The following ERBB4 variants were observed in gnomAD, a reference collection of about 807,000 sequenced individuals.
ERBB4 encodes receptor tyrosine-protein kinase erbB-4.
In ERBB4, 42 loss-of-function variants were observed where a neutral mutation model predicts 158.0. The observed-to-expected ratio is 0.27, with a 90% CI of 0.21 to 0.34. ERBB4 has a LOEUF of 0.34. ERBB4 is among the 10% of genes least tolerant of loss of function. The probability of loss-of-function intolerance (pLI) is 1.00; values close to 1 mark genes in which losing one functional copy is unlikely to be tolerated. For synonymous variants in ERBB4, 583 were observed against 558.7 expected (o/e 1.04, Z -0.61); for missense variants, 1,333 against 1,624.1 (o/e 0.82, Z 3.08).
intron 1 of ERBB4, among the ~76,000 whole-genome samples, chr2:212,421,376 A>C (rs773178520): frequency 6.6e-6 from 1 of 152,144 alleles, no homozygotes; most frequent in Non-Finnish European, 1.5e-5. Flanking sequence ...TTCAGACTAA[A>C]GGCTCTTCAT....
intron 20 of ERBB4, among the ~76,000 whole-genome samples, chr2:211,528,340 G>A (rs9636333): frequency 0.47 from 70,863 of 151,570 alleles, 16,835 homozygotes; most frequent in East Asian, 0.72. Flanking sequence ...CTCAACATTG[G>A]AGCATCCGGA....
intron 3 of ERBB4, among the ~76,000 whole-genome samples, chr2:211,812,749 C>T (rs1193795201): frequency 1.3e-5 from 2 of 152,214 alleles, no homozygotes; most frequent in Non-Finnish European, 2.9e-5. Flanking sequence ...TCAGCAATGG[C>T]AGATGCCTCT....
intron 2 of ERBB4, among the ~76,000 whole-genome samples, chr2:212,020,660 A>C (rs1030808093): frequency 6.6e-6 from 1 of 152,248 alleles, no homozygotes; most frequent in African/African-American, 2.4e-5. Context: ...TACACTAAGA[A>C]TAAAATACAT....
chr2:211,851,494 T>C (rs1299009123), intron 3 of ERBB4, among the ~76,000 whole-genome samples: 1 of 151,990 alleles, frequency 6.6e-6, no homozygotes, highest in Non-Finnish European at 1.5e-5. Flanking sequence ...AGTTTCCCTC[T>C]TCGCTAAACT....
intron 15 of ERBB4, among the ~76,000 whole-genome samples, chr2:211,664,328 TG>T (rs2071539767): frequency 3.0e-5 from 1 of 33,760 alleles, no homozygotes; most frequent in Non-Finnish European, 6.7e-5. Flanking sequence ...CAACTACAAA[TG>T]TGTGTGTGTG....
At position 211,908,313 on chromosome 2, in the gene ERBB4, T is replaced by C. The variant is rs184626443; in HGVS notation, c.421+39117A>G. Among the ~76,000 whole-genome samples the C allele has an allele frequency of 8.7e-4, 132 of 151,938 alleles. 1 individual carries two copies. Among genetic ancestry groups the C allele is most frequent in the Non-Finnish European group, 1.2e-3 (82 of 67,958 alleles). ...CTGACATTATCTTTCTAAAGTATTG[T>C]ATATTTGGACCACAACAGGGCACAG... On this transcript the variant is annotated intron_variant, in intron 3 of 27. Transcript: ENST00000342788.
intron 1 of ERBB4, among the ~76,000 whole-genome samples, chr2:212,339,199 T>C (rs542201348): frequency 1.3e-5 from 2 of 152,072 alleles, no homozygotes; most frequent in African/African-American, 4.8e-5. Context: ...GTGTGTGTTG[T>C]TCCCCTTCCT....
rs558474284 is a variant in ERBB4 at position 212,493,564 on chromosome 2, G to A, written c.82+44885C>T. Among the ~76,000 whole-genome samples, 545 of 151,544 alleles carry A rather than the reference G, an allele frequency of 3.6e-3. 1 individual carries two copies. Among genetic ancestry groups the A allele is most frequent in the Non-Finnish European group, 6.0e-3 (406 of 67,594 alleles). On this transcript the variant is annotated intron_variant, in intron 1 of 27. Coordinates refer to ENST00000342788, the MANE Select transcript of ERBB4 (RefSeq NM_005235.3). ...TCATATTTAGGATACAGATTACTTC[G>A]CAGACACATAGTTCAAATTTCATAA...
At chr2:212,037,866 C>T (rs1338027197) in intron 2 of ERBB4, among the ~76,000 whole-genome samples, 1 of 152,074 alleles carries the variant, frequency 6.6e-6, no homozygotes, top group Non-Finnish European at 1.5e-5. Context: ...TAGATGGACA[C>T]CGGGGAATGA....
Position 211,376,169 on chromosome 2 carries a change from G to T in ERBB4, c.*7446C>A. On this transcript the variant is annotated 3_prime_UTR_variant, in exon 28 of 28. Transcript: ENST00000342788. ...CCACACACAATTGGCATATCCTATT[G>T]TGTAAGCGAGTGCAGAGGTTGAACA... The T allele has an allele frequency of 4.3e-6, 1 of 233,128 alleles. No individual in the cohort carries two copies. The highest frequency in any genetic ancestry group is 6.1e-5 in the East Asian group (1 of 16,504). 14.4% of individuals were successfully genotyped at this position (233,128 alleles called of 1,614,324 possible). A position where few individuals can be genotyped will look rare whatever the true frequency, so the allele number is the denominator to read the frequency against.
intron 17 of ERBB4, among the ~76,000 whole-genome samples, chr2:211,628,432 T>C (rs2069951535): frequency 6.6e-6 from 1 of 152,188 alleles, no homozygotes; most frequent in South Asian, 2.1e-4. Flanking sequence ...GGTTTTATTG[T>C]CCTTGCGATA....
chr2:212,126,290 T>C (rs1345495935), intron 1 of ERBB4, among the ~76,000 whole-genome samples: 2 of 151,810 alleles, frequency 1.3e-5, no homozygotes, highest in East Asian at 1.9e-4. Context: ...AGAAACCCTG[T>C]CTCTACCAAA....
intron 3 of ERBB4, among the ~76,000 whole-genome samples, chr2:211,945,176 T>C (rs1320372115): frequency 6.6e-6 from 1 of 152,134 alleles, no homozygotes; most frequent in Admixed American, 6.6e-5. Flanking sequence ...GATTTTGCCA[T>C]AGAGAAAATT....
intron 1 of ERBB4, among the ~76,000 whole-genome samples, chr2:212,256,200 T>C (rs980330674): frequency 5.3e-5 from 8 of 152,070 alleles, no homozygotes; most frequent in Non-Finnish European, 1.0e-4. Context: ...TTGCCATATA[T>C]TTCTCATCTG....
chr2:211,942,597 C>T (rs1232661150), intron 3 of ERBB4, among the ~76,000 whole-genome samples: 2 of 152,074 alleles, frequency 1.3e-5, no homozygotes, highest in Non-Finnish European at 1.5e-5. Flanking sequence ...CTAGGTATAA[C>T]TTCGGTATTC....
At position 211,930,806 on chromosome 2, in the gene ERBB4, TA is replaced by T. The variant is rs369007893; in HGVS notation, c.421+16623del. On this transcript the variant is annotated intron_variant, in intron 3 of 27. Coordinates refer to ENST00000342788, the MANE Select transcript of ERBB4 (RefSeq NM_005235.3). ...ATGCAAGTTCATCAAGTAGGAGGGGTAAAAAATATATTTGGTACTGTTTCTG... is the reference window on the plus strand; with the variant it reads ...ATGCAAGTTCATCAAGTAGGAGGGGTAAAAATATATTTGGTACTGTTTCTG... Among the ~76,000 whole-genome samples, 63 of 152,234 alleles carry T rather than the reference TA, an allele frequency of 4.1e-4. 1 individual carries two copies. Among genetic ancestry groups the T allele is most frequent in the African/African-American group, 1.4e-3 (59 of 41,554 alleles).
intron 2 of ERBB4, among the ~76,000 whole-genome samples, chr2:212,056,565 C>G (rs945770113): frequency 6.6e-6 from 1 of 152,208 alleles, no homozygotes; most frequent in Admixed American, 6.5e-5. Flanking sequence ...GCCCATCAGA[C>G]TAACAGTGGA....
Position 211,377,825 on chromosome 2 carries a change from GC to G in ERBB4, c.*5789del, listed in dbSNP as rs1439288480. 4.3e-6 allele frequency: 1 copy of G among 232,550 alleles called. No individual in the cohort carries two copies. The allele number at this position is 232,550 out of a possible 1,614,324, so 14.4% of individuals were successfully genotyped here. On this transcript the variant is annotated 3_prime_UTR_variant, in exon 28 of 28. Transcript: ENST00000342788. ...TGTGAGTTTCAAGATTCATCACAGG[GC>G]TAACTCGTCTCAAATTCCTATAGGG...
chr2:211,414,055 C>A (rs1449879535), intron 25 of ERBB4, among the ~76,000 whole-genome samples: 1 of 151,166 alleles, frequency 6.6e-6, no homozygotes, highest in Non-Finnish European at 1.5e-5. Context: ...CTTATCTGCA[C>A]AAAATATCTG....
Sources: allele counts gnomAD v4.1 joint callset (sites outside exome capture counted in the v4.1 genomes callset), GRCh38; gene constraint gnomAD v4.1.1; transcripts MANE v1.5; gene names NCBI Gene and HGNC (gene_info 2026-07-23, HGNC 2026-07-21).